Variants in DOCK3 observed in about 807,000 individuals in gnomAD.
DOCK3 encodes dedicator of cytokinesis protein 3.
DOCK3 carries 60 observed loss-of-function variants against 265.6 expected under a neutral mutation model. The ratio of observed to expected loss-of-function variants is 0.23; its 90% CI spans 0.18 to 0.28. The LOEUF (loss-of-function observed/expected upper bound fraction) is 0.28, where lower values mean the gene tolerates loss of function less well. DOCK3 is among the 10% of genes least tolerant of loss of function. The pLI, the probability that DOCK3 is intolerant of heterozygous loss-of-function variation, is 1.00. For missense variants in DOCK3, 1,981 were observed against 2,594.3 expected (o/e 0.76, Z 5.14); for synonymous variants, 881 against 938.0 (o/e 0.94, Z 1.11).
In DOCK3 at chr3:51,350,333, C is replaced by T. The variant is rs1354569935; in HGVS notation, c.4048C>T (p.Leu1350=). 6.2e-7 allele frequency: 1 copy of T among 1,611,754 alleles called. No individual in the cohort carries two copies. Among genetic ancestry groups the T allele is most frequent in the Middle Eastern group, 1.7e-4 (1 of 6,056 alleles). The change falls in exon 40 of 53, where the codon CTG becomes TTG. Residue 1350 remains leucine (L), a synonymous_variant. Coordinates refer to ENST00000266037, the MANE Select transcript of DOCK3 (RefSeq NM_004947.5). ...YYDNIMEQQR[L]EPEFFRVGFY... ...TGACAACATTATGGAGCAGCAACGC[C>T]TGGAGCCTGAGTTCTTTCGGGTCGG...
At chr3:51,076,797 A>G (rs1351278373) in intron 7 of DOCK3, among the ~76,000 whole-genome samples, 1 of 152,180 alleles carries the variant, frequency 6.6e-6, no homozygotes, top group Non-Finnish European at 1.5e-5. Context: ...GAGTAGGAAA[A>G]GAGAAGGAAA....
At chr3:50,807,247 CTCTTTTTTTTTT>C (rs752213688) in intron 2 of DOCK3, among the ~76,000 whole-genome samples, 35 of 30,184 alleles carry the variant, frequency 1.2e-3, no homozygotes, top group African/African-American at 2.8e-3. Context: ...CTCTGCCACG[CTCTTTTTTTTTT>C]TTTTTTTTTT....
chr3:51,350,406 G>T lies in DOCK3; in HGVS notation c.4107+14G>T. The stretch of plus-strand genomic sequence containing the variant: ...TTCTTTCTTCGGGTGAGTCCATTCA[G>T]ATGGTCACAAGAACTTATATATTTT... On this transcript the variant is annotated intron_variant, in intron 40 of 52. Transcript: ENST00000266037. The T allele has an allele frequency of 6.2e-7, 1 of 1,605,094 alleles. No homozygotes were observed.
rs1237051861 is a variant in DOCK3, at chr3:51,252,494, G to A, written c.2184+5687G>A. Among the ~76,000 whole-genome samples the A allele has an allele frequency of 4.6e-5, 7 of 152,194 alleles. No individual in the cohort carries two copies. In the East Asian group the frequency reaches 1.3e-3, roughly 29 times the overall value. The stretch of plus-strand genomic sequence containing the variant: ...CAGTATTGATTCTTCCTATCCATGA[G>A]CATGGAATGTTCTTCCATTTATTTG... On this transcript the variant is annotated intron_variant, in intron 22 of 52. Coordinates refer to ENST00000266037, the MANE Select transcript of DOCK3 (RefSeq NM_004947.5).
intron 14 of DOCK3, among the ~76,000 whole-genome samples, chr3:51,218,265 C>G (rs1353751024): frequency 6.6e-6 from 1 of 152,116 alleles, no homozygotes; most frequent in Admixed American, 6.5e-5. Flanking sequence ...GAGACCCCAT[C>G]TCTAAAAAAA....
At chr3:51,338,850 C>A in intron 36 of DOCK3, 85 bp from the exon 37 acceptor site, 1 of 1,185,412 alleles carries the variant, frequency 8.4e-7, no homozygotes, top group South Asian at 1.3e-5. Flanking sequence ...TCCTGCCCAG[C>A]ACACCCACGG....
At chr3:50,702,023 T>C (rs1382450565) in intron 1 of DOCK3, among the ~76,000 whole-genome samples, 2 of 152,234 alleles carry the variant, frequency 1.3e-5, no homozygotes, top group Middle Eastern at 3.2e-3. Flanking sequence ...TTTGTTCTTT[T>C]TGTACAAGAT....
rs182930801 is a variant in DOCK3 at position 51,290,224 on chromosome 3, G to A, written c.2922+10020G>A. Among the ~76,000 whole-genome samples the A allele has an allele frequency of 6.7e-3, 1,021 of 152,122 alleles. 6 individuals carry two copies. Among genetic ancestry groups the A allele is most frequent in the African/African-American group, 0.023 (955 of 41,494 alleles). On this transcript the variant is annotated intron_variant, in intron 27 of 52. Transcript: ENST00000266037. ...GAATATAAATCATGCTGCTATAAAG[G>A]CACATGCACATGTATGTTTATTGCG... is the stretch of plus-strand genomic sequence containing the variant.
At chr3:51,014,325 A>G (rs1034612245) in intron 5 of DOCK3, among the ~76,000 whole-genome samples, 1 of 152,128 alleles carries the variant, frequency 6.6e-6, no homozygotes, top group Non-Finnish European at 1.5e-5. Context: ...ATTTCTTAAT[A>G]GGACTTCTCT....
At chr3:51,168,668 A>G (rs1345683366) in intron 12 of DOCK3, among the ~76,000 whole-genome samples, 1 of 152,192 alleles carries the variant, frequency 6.6e-6, no homozygotes, top group Non-Finnish European at 1.5e-5. Context: ...ATACCATTCT[A>G]GACATAGGAA....
In DOCK3 at chr3:51,071,224, G is replaced by C. The variant is rs186633840; in HGVS notation, c.465-4132G>C. The stretch of plus-strand genomic sequence containing the variant: ...TGGGTCAGGATTATGTCCCTTATTA[G>C]CTGCTGTGTCCCTAGGTTGAACATG... On this transcript the variant is annotated intron_variant, in intron 6 of 52. Coordinates refer to ENST00000266037, the MANE Select transcript of DOCK3 (RefSeq NM_004947.5). Among the ~76,000 whole-genome samples the C allele has an allele frequency of 1.0e-3, 157 of 152,268 alleles. 1 individual carries two copies. Among genetic ancestry groups the C allele is most frequent in the East Asian group, 7.9e-3 (41 of 5,186 alleles).
intron 40 of DOCK3, among the ~76,000 whole-genome samples, chr3:51,354,253 C>T (rs964508437): frequency 6.7e-5 from 10 of 148,938 alleles, no homozygotes; most frequent in African/African-American, 2.5e-4. Flanking sequence ...TTGGTGGCAC[C>T]CATAGCAATC....
At chr3:51,076,336 C>T (rs1434784267) in intron 7 of DOCK3, among the ~76,000 whole-genome samples, 2 of 152,158 alleles carry the variant, frequency 1.3e-5, no homozygotes, top group Non-Finnish European at 2.9e-5. Context: ...GTGGCATGCA[C>T]CTGTAGGTAC....
chr3:51,136,975 A>G (rs1186048067), intron 9 of DOCK3, among the ~76,000 whole-genome samples: 2 of 152,112 alleles, frequency 1.3e-5, no homozygotes, highest in Non-Finnish European at 2.9e-5. Flanking sequence ...ATGTATACAT[A>G]TGTAACTAAC....
intron 4 of DOCK3, among the ~76,000 whole-genome samples, chr3:50,933,681 T>C (rs1181957990): frequency 1.3e-5 from 2 of 152,284 alleles, no homozygotes; most frequent in South Asian, 2.1e-4. Flanking sequence ...GGTAGTATCA[T>C]GGTTTTTCAT....
intron 1 of DOCK3, among the ~76,000 whole-genome samples, chr3:50,759,620 T>C (rs754409868): frequency 1.3e-5 from 2 of 150,626 alleles, no homozygotes; most frequent in African/African-American, 2.4e-5. Flanking sequence ...GGAGGACTGC[T>C]TGAGCCCAGG....
At chr3:50,816,216 G>A (rs1030837197) in intron 2 of DOCK3, among the ~76,000 whole-genome samples, 1 of 150,452 alleles carries the variant, frequency 6.6e-6, no homozygotes, top group Admixed American at 6.6e-5. Context: ...ATTATTTTTT[G>A]TGTTGAATAC....
At chr3:50,742,555 G>A (rs1298646522) in intron 1 of DOCK3, among the ~76,000 whole-genome samples, 4 of 152,064 alleles carry the variant, frequency 2.6e-5, no homozygotes, top group African/African-American at 9.7e-5. Flanking sequence ...GAATGCAGAA[G>A]CCTCAGGAGC....
At chr3:50,916,349 T>A (rs1458931180) in intron 4 of DOCK3, among the ~76,000 whole-genome samples, 2 of 151,994 alleles carry the variant, frequency 1.3e-5, no homozygotes, top group African/African-American at 4.8e-5. Context: ...TGGAGTGTAG[T>A]GGCGCAATCT....
Sources: allele counts gnomAD v4.1 joint callset (sites outside exome capture counted in the v4.1 genomes callset), GRCh38; gene constraint gnomAD v4.1.1; transcripts MANE v1.5; gene names NCBI Gene and HGNC (gene_info 2026-07-23, HGNC 2026-07-21).